RAB11FIP4: variants seen among roughly 807,000 people sequenced by gnomAD.
RAB11FIP4 encodes RAB11 family interacting protein 4, also known as rab11 family-interacting protein 4.
Under a neutral mutation model 74.3 loss-of-function variants are expected in RAB11FIP4, and 23 were observed. That is an observed-to-expected ratio of 0.31 (90% CI 0.22 to 0.44). RAB11FIP4 has a LOEUF of 0.44. Among genes scored for constraint, RAB11FIP4 ranks in the 20% least tolerant of loss-of-function variants. The pLI is 1.00. For missense variants in RAB11FIP4, 630 were observed against 863.9 expected, an observed-to-expected ratio of 0.73 and a Z score of 3.39; for synonymous variants, 360 against 359.9, an observed-to-expected ratio of 1.00 and a Z score of 0.00.
rs1205103300 is a variant in RAB11FIP4, at chr17:31,528,429, T to C, written c.1380T>C (p.Arg460=). The C allele has an allele frequency of 6.2e-7, 1 of 1,613,100 alleles. No homozygotes were observed. Among genetic ancestry groups the C allele is most frequent in the Non-Finnish European group, 8.5e-7 (1 of 1,180,022 alleles). Residue 460 remains arginine, a synonymous_variant, in exon 12 of 15, where the codon CGT becomes CGC. Transcript: ENST00000621161. The part of the protein sequence containing the change: ...LDEERQRMSD[R]LEDTSLRLKD... ...AGGAGCGGCAGCGCATGTCTGACCG[T>C]CTGGAGGACACCAGCCTGCGGCTCA...
At chr17:31,432,630 G>T (rs542039554) in intron 2 of RAB11FIP4, among the ~76,000 whole-genome samples, 1 of 152,242 alleles carries the variant, frequency 6.6e-6, no homozygotes, top group African/African-American at 2.4e-5. Flanking sequence ...AAAGTTCTGG[G>T]ATTACAGGCA....
intron 1 of RAB11FIP4, among the ~76,000 whole-genome samples, chr17:31,425,994 G>A (rs569249732): frequency 6.6e-6 from 1 of 152,362 alleles, no homozygotes; most frequent in East Asian, 1.9e-4. Flanking sequence ...GAAATGACGG[G>A]CTGGGTCAGT....
At position 31,473,377 on chromosome 17, in the gene RAB11FIP4, CA is replaced by C. The variant is rs10562376; in HGVS notation, c.336+39271del. Among the ~76,000 whole-genome samples, 180 of 147,184 alleles carry C rather than the reference CA, an allele frequency of 1.2e-3. 2 individuals carry two copies. Among genetic ancestry groups the C allele is most frequent in the Admixed American group, 7.0e-3 (103 of 14,768 alleles). Reference sequence around the variant, plus strand: ...CAACAAAGCAAGACCCAGTCTCTACCAAAAAAAAAAAAAAAATTAGCTGGGC... The same window carrying C: ...CAACAAAGCAAGACCCAGTCTCTACCAAAAAAAAAAAAAAATTAGCTGGGC... On this transcript the variant is annotated intron_variant, in intron 3 of 14. Coordinates refer to ENST00000621161, the MANE Select transcript of RAB11FIP4 (RefSeq NM_032932.6).
chr17:31,523,421 G>A, intron 7 of RAB11FIP4, 91 bp from the exon 8 acceptor site: 1 of 995,008 alleles, frequency 1.0e-6, no homozygotes. Context: ...AGACCCCCTG[G>A]GGTACTGGAT....
chr17:31,471,118 A>C (rs1222129986), intron 3 of RAB11FIP4, among the ~76,000 whole-genome samples: 1 of 150,946 alleles, frequency 6.6e-6, no homozygotes, highest in African/African-American at 2.4e-5. Flanking sequence ...GCTGGAGTGC[A>C]GGGGTGCGAT....
chr17:31,408,293 C>T (rs565409888), intron 1 of RAB11FIP4, among the ~76,000 whole-genome samples: 24 of 152,192 alleles, frequency 1.6e-4, no homozygotes, highest in South Asian at 8.3e-4. Context: ...GGGTCTGTAA[C>T]GGGTATTGCA....
chr17:31,468,013 G>A (rs751672556), intron 3 of RAB11FIP4, among the ~76,000 whole-genome samples: 1 of 152,328 alleles, frequency 6.6e-6, no homozygotes, highest in East Asian at 1.9e-4. Context: ...GAAGGGGAAG[G>A]GGACAGAGAG....
Position 31,434,087 on chromosome 17 carries a change from C to A in RAB11FIP4, c.301C>A (p.Pro101Thr). 1 of 1,586,054 alleles carries A rather than the reference C, an allele frequency of 6.3e-7. No homozygotes were observed. The highest frequency in any genetic ancestry group is 1.1e-5 in the South Asian group (1 of 87,284). ...VLSVESAGTL[P>T]CAPEIPDCVE... ...GTCGGTGGAGAGCGCGGGGACGCTGCCGTGCGCGCCAGAGATCCCAGACTG... is the reference window on the plus strand; with the variant it reads ...GTCGGTGGAGAGCGCGGGGACGCTGACGTGCGCGCCAGAGATCCCAGACTG... The change falls in exon 3 of 15, where the codon CCG becomes ACG. Residue 101 changes from proline to threonine, a missense_variant. Pro to Thr is a conservative substitution (Grantham distance 38). Transcript: ENST00000621161.
intron 3 of RAB11FIP4, among the ~76,000 whole-genome samples, chr17:31,507,092 A>G (rs1305968942): frequency 6.6e-6 from 1 of 152,188 alleles, no homozygotes; most frequent in African/African-American, 2.4e-5. Flanking sequence ...AGTCTGGCCA[A>G]TATGGTGAAA....
chr17:31,523,649 G>T, intron 8 of RAB11FIP4, 38 bp downstream of exon 8: 1 of 1,552,800 alleles, frequency 6.4e-7, no homozygotes, highest in Non-Finnish European at 8.9e-7. Context: ...CTGAATGCAT[G>T]CCTGCTCCCA....
chr17:31,445,392 A>T (rs9899857), intron 3 of RAB11FIP4, among the ~76,000 whole-genome samples: 2,039 of 151,538 alleles, frequency 0.013, 53 homozygotes, highest in African/African-American at 0.047. Flanking sequence ...TGCGGACATG[A>T]CACTTCATCC....
chr17:31,449,497 A>G (rs1453740643), intron 3 of RAB11FIP4, among the ~76,000 whole-genome samples: 4 of 152,008 alleles, frequency 2.6e-5, no homozygotes, highest in Admixed American at 1.3e-4. Flanking sequence ...GCCACTCCCA[A>G]TGATGTCTTG....
At chr17:31,479,338 C>G (rs2071824716) in intron 3 of RAB11FIP4, among the ~76,000 whole-genome samples, 1 of 152,186 alleles carries the variant, frequency 6.6e-6, no homozygotes, top group African/African-American at 2.4e-5. Flanking sequence ...CTTTCAAATG[C>G]CCATCTCAGG....
intron 3 of RAB11FIP4, among the ~76,000 whole-genome samples, chr17:31,516,666 C>T (rs1240213284): frequency 6.6e-6 from 1 of 152,190 alleles, no homozygotes; most frequent in Non-Finnish European, 1.5e-5. Context: ...GACGGGGTTT[C>T]ACCGTATTAG....
rs549895275 is a variant in RAB11FIP4, at chr17:31,528,100, C to A, written c.1356+177C>A. Among the ~76,000 whole-genome samples, 5 of 152,044 alleles carry A rather than the reference C, an allele frequency of 3.3e-5. No individual in the cohort carries two copies. In the East Asian group the frequency reaches 7.7e-4, roughly 23 times the overall value. The stretch of plus-strand genomic sequence containing the variant: ...TTTTCTACAGCGAATGTATTTATTA[C>A]TTTATACAATGGAGAAAAATTAGTT... On this transcript the variant is annotated intron_variant, in intron 11 of 14. Transcript: ENST00000621161.
chr17:31,456,802 A>C (rs985071475), intron 3 of RAB11FIP4, among the ~76,000 whole-genome samples: 4 of 152,158 alleles, frequency 2.6e-5, no homozygotes, highest in African/African-American at 9.7e-5. Context: ...ATAAAAAGGA[A>C]TCTTGATTTA....
intron 4 of RAB11FIP4, 66 bp downstream of exon 4, chr17:31,517,943 T>A: frequency 7.6e-7 from 1 of 1,309,542 alleles, no homozygotes; most frequent in Non-Finnish European, 1.1e-6. Context: ...TCTTGGAAAG[T>A]GTCTCCAGGA....
At chr17:31,394,887 G>A (rs1226769343) in intron 1 of RAB11FIP4, among the ~76,000 whole-genome samples, 2 of 122,658 alleles carry the variant, frequency 1.6e-5, no homozygotes, top group African/African-American at 6.1e-5. Context: ...CTTATCCCCT[G>A]ATGCATTAAA....
chr17:31,417,520 G>A (rs1330849468), intron 1 of RAB11FIP4, among the ~76,000 whole-genome samples: 2 of 152,178 alleles, frequency 1.3e-5, no homozygotes, highest in Non-Finnish European at 2.9e-5. Flanking sequence ...CCTACTCCAA[G>A]CCAAGCCCTG....
Sources: allele counts gnomAD v4.1 joint callset (sites outside exome capture counted in the v4.1 genomes callset), GRCh38; gene constraint gnomAD v4.1.1; transcripts MANE v1.5; gene names NCBI Gene and HGNC (gene_info 2026-07-23, HGNC 2026-07-21).